The following CSRNP3 variants were observed in gnomAD, a reference collection of about 807,000 sequenced individuals.
CSRNP3 encodes the protein cysteine/serine-rich nuclear protein 3.
In CSRNP3, 12 loss-of-function variants were observed where a neutral mutation model predicts 48.0. The observed-to-expected ratio is 0.25, with a 90% CI of 0.16 to 0.41. CSRNP3 has a LOEUF of 0.41. CSRNP3 is among the 10% of genes least tolerant of loss of function. The pLI is 1.00. For missense variants in CSRNP3, 580 were observed against 724.4 expected, an observed-to-expected ratio of 0.80 and a Z score of 2.29; for synonymous variants, 263 against 269.7, an observed-to-expected ratio of 0.98 and a Z score of 0.24.
intron 4 of CSRNP3, among the ~76,000 whole-genome samples, chr2:165,610,903 C>T (rs542615205): frequency 1.3e-3 from 204 of 152,256 alleles, no homozygotes; most frequent in Admixed American, 3.3e-3. Context: ...GGGAAATAGT[C>T]GCAACAAGTG....
chr2:165,573,143 A>G (rs1450377174), intron 3 of CSRNP3, among the ~76,000 whole-genome samples: 1 of 144,882 alleles, frequency 6.9e-6, no homozygotes, highest in Non-Finnish European at 1.5e-5. Flanking sequence ...CTTTAGTAAC[A>G]CATATCTGTA....
intron 4 of CSRNP3, among the ~76,000 whole-genome samples, chr2:165,612,619 T>A: frequency 6.6e-6 from 1 of 152,062 alleles, no homozygotes; most frequent in East Asian, 1.9e-4. Context: ...AGTTCTACTC[T>A]CTACTTTTAT....
At chr2:165,527,189 G>A (rs1165216837) in intron 3 of CSRNP3, among the ~76,000 whole-genome samples, 3 of 146,994 alleles carry the variant, frequency 2.0e-5, no homozygotes, top group East Asian at 2.0e-4. Flanking sequence ...AAAGTATGAC[G>A]CTGTTTGTAC....
intron 4 of CSRNP3, among the ~76,000 whole-genome samples, chr2:165,645,422 G>T (rs995074787): frequency 4.6e-5 from 7 of 152,132 alleles, no homozygotes; most frequent in Non-Finnish European, 7.4e-5. Flanking sequence ...CCTCCCAAAT[G>T]CTCCACTATC....
chr2:165,532,090 C>T (rs1476832048), intron 3 of CSRNP3, among the ~76,000 whole-genome samples: 2 of 152,030 alleles, frequency 1.3e-5, no homozygotes, highest in Non-Finnish European at 2.9e-5. Context: ...CAAAAAAAGT[C>T]CAGGACCAGA....
intron 3 of CSRNP3, among the ~76,000 whole-genome samples, chr2:165,592,076 G>C (rs530569771): frequency 5.3e-5 from 8 of 152,348 alleles, no homozygotes; most frequent in African/African-American, 1.9e-4. Flanking sequence ...AAGCCACAGG[G>C]GCAGAGTTGC....
At chr2:165,643,003 T>C (rs186605469) in intron 4 of CSRNP3, among the ~76,000 whole-genome samples, 9 of 152,206 alleles carry the variant, frequency 5.9e-5, no homozygotes, top group African/African-American at 2.2e-4. Context: ...AGAGAGAAGA[T>C]TATAGAGTGA....
chr2:165,487,782 ACTC>A (rs1188604719), intron 1 of CSRNP3, among the ~76,000 whole-genome samples: 1 of 150,800 alleles, frequency 6.6e-6, no homozygotes, highest in African/African-American at 2.5e-5. Context: ...CCCTAAAAGA[ACTC>A]CTGAAGGAAG....
chr2:165,504,872 T>G (rs1202577164), intron 2 of CSRNP3, among the ~76,000 whole-genome samples: 1 of 152,128 alleles, frequency 6.6e-6, no homozygotes, highest in African/African-American at 2.4e-5. Context: ...AAGACCACAC[T>G]GAAGACGTAT....
chr2:165,581,209 A>G (rs1490161295), intron 3 of CSRNP3, among the ~76,000 whole-genome samples: 1 of 152,238 alleles, frequency 6.6e-6, no homozygotes, highest in Non-Finnish European at 1.5e-5. Flanking sequence ...GCCAAGAGGC[A>G]TTCAAAACCA....
At chr2:165,550,573 A>G (rs1016130418) in intron 3 of CSRNP3, among the ~76,000 whole-genome samples, 1 of 152,224 alleles carries the variant, frequency 6.6e-6, no homozygotes, top group East Asian at 1.9e-4. Context: ...CCTGTTGACA[A>G]CAGAGCAAAC....
At chr2:165,652,429 G>A (rs1467349027) in intron 4 of CSRNP3, among the ~76,000 whole-genome samples, 6 of 151,794 alleles carry the variant, frequency 4.0e-5, no homozygotes, top group Non-Finnish European at 7.4e-5. Flanking sequence ...GACCCAGGAG[G>A]CGGAGGTTGC....
At chr2:165,568,906 A>G (rs1483543876) in intron 3 of CSRNP3, among the ~76,000 whole-genome samples, 1 of 152,038 alleles carries the variant, frequency 6.6e-6, no homozygotes. Flanking sequence ...AATTTTTCTG[A>G]TTTTAGCAGA....
At chr2:165,613,401 A>C (rs1303518999) in intron 4 of CSRNP3, among the ~76,000 whole-genome samples, 1 of 152,024 alleles carries the variant, frequency 6.6e-6, no homozygotes, top group Non-Finnish European at 1.5e-5. Context: ...TTTTATCCTG[A>C]TATAGTCCCA....
rs539770828 is a variant in CSRNP3, at chr2:165,687,912, T to C, written c.*8159T>C. Reference sequence around the variant, plus strand: ...ACACCCCCGAAATCAATGTTTCCTTTCTCCATGGGATTTTTTTCAATCTTG... The same window carrying C: ...ACACCCCCGAAATCAATGTTTCCTTCCTCCATGGGATTTTTTTCAATCTTG... On this transcript the variant is annotated 3_prime_UTR_variant, in exon 7 of 7. Coordinates refer to ENST00000651982, the MANE Select transcript of CSRNP3 (RefSeq NM_001172173.2). 44 of 152,080 alleles carry C rather than the reference T, an allele frequency of 2.9e-4. 1 individual carries two copies. Among genetic ancestry groups the C allele is most frequent in the African/African-American group, 1.0e-3 (42 of 41,484 alleles). The allele number at this position is 152,080 out of a possible 1,614,324, so 9.4% of individuals were successfully genotyped here.
Position 165,617,220 on chromosome 2 carries a change from C to T in CSRNP3, c.148+22007C>T, listed in dbSNP as rs144086567. Among the ~76,000 whole-genome samples, 531 of 152,136 alleles carry T rather than the reference C, an allele frequency of 3.5e-3. 5 individuals are homozygous for T. The highest frequency in any genetic ancestry group is 0.012 in the African/African-American group (501 of 41,514). On this transcript the variant is annotated intron_variant, in intron 4 of 6. Transcript: ENST00000651982. The stretch of plus-strand genomic sequence containing the variant: ...TTTTCGTTTGGAAGTGTCATGTTTC[C>T]GTGCTTTTTCATGTTTCTGTATCAT...
chr2:165,671,128 G>A (rs1687321231), intron 5 of CSRNP3, among the ~76,000 whole-genome samples: 1 of 152,160 alleles, frequency 6.6e-6, no homozygotes, highest in African/African-American at 2.4e-5. Context: ...TGAAAGAGGA[G>A]TCAGGAAATT....
At position 165,657,912 on chromosome 2, in the gene CSRNP3, C is replaced by T. The variant is rs200315219; in HGVS notation, c.300C>T (p.Ser100=). 2.4e-5 allele frequency: 39 copies of T among 1,614,074 alleles called. No homozygotes were observed. The highest frequency in any genetic ancestry group is 4.5e-5 in the East Asian group (2 of 44,854). The change falls in exon 5 of 7, where the codon AGC becomes AGT. Residue 100 remains serine, a synonymous_variant. Transcript: ENST00000651982. ...STLGMSSRHN[S]VRQYTLGEFA... is the part of the protein sequence containing the mutation. ...TGGGGATGTCCAGCCGCCATAACAG[C>T]GTGCGCCAGTACACTCTTGGCGAGT...
At chr2:165,596,625 G>A (rs1685815642) in intron 4 of CSRNP3, among the ~76,000 whole-genome samples, 1 of 152,170 alleles carries the variant, frequency 6.6e-6, no homozygotes, top group Non-Finnish European at 1.5e-5. Context: ...AAGTTATTGT[G>A]TGATGTAGGT....
Sources: allele counts gnomAD v4.1 joint callset (sites outside exome capture counted in the v4.1 genomes callset), GRCh38; gene constraint gnomAD v4.1.1; transcripts MANE v1.5; gene names NCBI Gene and HGNC (gene_info 2026-07-23, HGNC 2026-07-21).